Variants in TRMT10B observed in about 807,000 individuals in gnomAD.
The protein encoded by TRMT10B is tRNA methyltransferase 10 homolog B.
In TRMT10B, 33 loss-of-function variants were observed where a neutral mutation model predicts 43.8. That is an observed-to-expected ratio of 0.75 (90% CI 0.57 to 1.01). The LOEUF is 1.01. TRMT10B is among the 50% of genes least tolerant of loss of function. The probability of loss-of-function intolerance (pLI) is 0.00; values close to 1 mark genes in which losing one functional copy is unlikely to be tolerated. For missense variants in TRMT10B, 362 were observed against 369.8 expected (o/e 0.98, Z 0.17); for synonymous variants, 137 against 130.6 (o/e 1.05, Z -0.34).
upstream of TRMT10B, among the ~76,000 whole-genome samples, chr9:37,753,237 A>G (rs373873919): frequency 6.2e-4 from 95 of 152,372 alleles, no homozygotes; most frequent in African/African-American, 2.1e-3. Context: ...CCGCGGTTTC[A>G]TTCTTGAAGT....
intron 2 of TRMT10B, 116 bp downstream of exon 2, chr9:37,762,233 C>G: frequency 8.4e-7 from 1 of 1,189,044 alleles, no homozygotes; most frequent in Non-Finnish European, 1.1e-6. Context: ...TTTGTGTATT[C>G]TGAGTGATGA....
intron 8 of TRMT10B, 146 bp downstream of exon 8, chr9:37,776,551 A>C (rs1828176340): frequency 4.0e-6 from 4 of 996,298 alleles, no homozygotes; most frequent in Admixed American, 4.0e-5. Context: ...TATTCTGGCC[A>C]CTAAGAGGCA....
Position 37,769,993 on chromosome 9 carries a change from T to C in TRMT10B, c.626T>C (p.Val209Ala), listed in dbSNP as rs1188344524. ...CFSLFPLETLVYLTPDSEHAL... is the reference protein window; with the variant it reads ...CFSLFPLETLAYLTPDSEHAL... ...AGTTTATTTCCCTTGGAAACCCTTG[T>C]GTACCTGACTCCTGACTCAGAACAC... Residue 209 changes from valine to alanine, a missense_variant, in exon 6 of 9, where the codon GTG becomes GCG. Transcript: ENST00000297994. 6.2e-7 allele frequency: 1 copy of C among 1,614,150 alleles called. No individual in the cohort carries two copies. Among genetic ancestry groups the C allele is most frequent in the Non-Finnish European group, 8.5e-7 (1 of 1,179,968 alleles).
At position 37,762,558 on chromosome 9, in the gene TRMT10B, G is replaced by A; in HGVS notation, c.187-19G>A. The A allele has an allele frequency of 1.9e-6, 3 of 1,563,230 alleles. No individual in the cohort carries two copies. ...GCTTATGAAGTTCTCAAACAATTTT[G>A]TTTTCTGGATAATATAAGAAAAATG... On this transcript the variant is annotated intron_variant, in intron 2 of 8. Transcript: ENST00000297994.
intron 6 of TRMT10B, 101 bp downstream of exon 6, chr9:37,770,120 C>A (rs1827405743): frequency 4.9e-6 from 5 of 1,015,582 alleles, no homozygotes; most frequent in Non-Finnish European, 7.7e-6. Context: ...GACACCCCTC[C>A]CCACCCCCAC....
intron 1 of TRMT10B, among the ~76,000 whole-genome samples, chr9:37,755,231 A>T (rs971865144): frequency 2.0e-5 from 3 of 150,320 alleles, no homozygotes; most frequent in Non-Finnish European, 3.0e-5. Flanking sequence ...AGATCGCGCC[A>T]CTGCACTCCA....
rs922671736 is a variant in TRMT10B at position 37,776,458 on chromosome 9, T to C, written c.844+53T>C. The C allele has an allele frequency of 1.9e-6, 3 of 1,556,740 alleles. No homozygotes were observed. In the African/African-American group the frequency reaches 4.1e-5, roughly 21 times the overall value. ...GTGTGTGAGTTCTGGTGCTGCTGCT[T>C]TGCACTGTGTTTAAGTGGCCTTTGA... On this transcript the variant is annotated intron_variant, in intron 8 of 8. Coordinates refer to ENST00000297994, the MANE Select transcript of TRMT10B (RefSeq NM_144964.4).
At chr9:37,755,931 T>C (rs1825621497) in intron 1 of TRMT10B, among the ~76,000 whole-genome samples, 1 of 152,222 alleles carries the variant, frequency 6.6e-6, no homozygotes, top group South Asian at 2.1e-4. Flanking sequence ...TTCAGTTTGA[T>C]AGGAGAGAAG....
chr9:37,772,252 A>C (rs910614073), intron 7 of TRMT10B, among the ~76,000 whole-genome samples: 1 of 152,052 alleles, frequency 6.6e-6, no homozygotes, highest in Non-Finnish European at 1.5e-5. Flanking sequence ...GACTCAAGCA[A>C]TCTACTCACC....
chr9:37,770,741 T>TA lies in TRMT10B; in HGVS notation c.720+4dup. ...CTTGTGGATGAAAGCATTCAGAAGG[T>TA]AAGTATACATTTCAGCCCCAACATC... On this transcript the variant is annotated splice_region_variant and intron_variant, in intron 7 of 8. Coordinates refer to ENST00000297994, the MANE Select transcript of TRMT10B (RefSeq NM_144964.4). 1 of 1,611,178 alleles carries TA rather than the reference T, an allele frequency of 6.2e-7. No homozygotes were observed.
intron 3 of TRMT10B, among the ~76,000 whole-genome samples, chr9:37,763,155 A>AAAC (rs1554676651): frequency 0.015 from 2,211 of 146,710 alleles, 35 homozygotes; most frequent in African/African-American, 0.055. Flanking sequence ...AAAAAAAAAA[A>AAAC]AAAAAAAAAA....
At position 37,763,712 on chromosome 9, in the gene TRMT10B, CTA is replaced by C. The variant is rs1211589804; in HGVS notation, c.381_382del (p.Cys128TyrfsTer16). 8 of 1,614,012 alleles carry C rather than the reference CTA, an allele frequency of 5.0e-6. No homozygotes were observed. Among genetic ancestry groups the C allele is most frequent in the African/African-American group, 1.3e-5 (1 of 74,918 alleles). On this transcript the variant is annotated frameshift_variant, in exon 4 of 9. Transcript: ENST00000297994. LOFTEE classifies it high-confidence loss of function. ...LLEAKHSGPRLCIDLSMTHYM... is the reference protein window; with the variant it reads ...LLEAKHSGPRXCIDLSMTHYM... ...GGAAGCCAAACACTCAGGACCAAGACTATGTATCGATTTGAGTATGACCCACT... is the reference window on the plus strand; with the variant it reads ...GGAAGCCAAACACTCAGGACCAAGACTGTATCGATTTGAGTATGACCCACT...
At chr9:37,760,504 T>C (rs1045693032) in intron 1 of TRMT10B, among the ~76,000 whole-genome samples, 2 of 152,204 alleles carry the variant, frequency 1.3e-5, no homozygotes, top group African/African-American at 4.8e-5. Context: ...TGGGTAACAG[T>C]GAGACCCTGT....
chr9:37,768,396 C>T (rs1827213691), intron 5 of TRMT10B, among the ~76,000 whole-genome samples, 168 bp downstream of exon 5: 1 of 152,148 alleles, frequency 6.6e-6, no homozygotes, highest in African/African-American at 2.4e-5. Context: ...CATCCTCCTA[C>T]TGCATTGGCA....
intron 3 of TRMT10B, 75 bp downstream of exon 3, chr9:37,762,760 A>T: frequency 6.8e-7 from 1 of 1,464,974 alleles, no homozygotes; most frequent in Non-Finnish European, 9.1e-7. Flanking sequence ...CAATGAGAGT[A>T]GGAATTTTGT....
In TRMT10B at chr9:37,762,536, T is replaced by C. The variant is rs55999967; in HGVS notation, c.187-41T>C. ...ATGTTCATTTTCCTTTTTTGGTGCT[T>C]ATGAAGTTCTCAAACAATTTTGTTT... On this transcript the variant is annotated intron_variant, in intron 2 of 8. Coordinates refer to ENST00000297994, the MANE Select transcript of TRMT10B (RefSeq NM_144964.4). 4.9e-3 allele frequency: 7,609 copies of C among 1,543,674 alleles called. 350 individuals are homozygous for C. In the African/African-American group the frequency reaches 0.093, roughly 19 times the overall value.
intron 1 of TRMT10B, among the ~76,000 whole-genome samples, chr9:37,756,802 GTATA>G (rs10636246): frequency 7.3e-5 from 11 of 150,454 alleles, no homozygotes; most frequent in South Asian, 2.1e-4. Flanking sequence ...ATGTGTATGT[GTATA>G]TATGTGTGCA....
chr9:37,753,553 C>T (rs552956634), upstream of TRMT10B, among the ~76,000 whole-genome samples: 3 of 152,304 alleles, frequency 2.0e-5, no homozygotes, highest in Admixed American at 2.0e-4. Flanking sequence ...ACCAACAGAG[C>T]ACCTGTAGGA....
intron 3 of TRMT10B, 26 bp downstream of exon 3, chr9:37,762,711 T>C (rs540596024): frequency 1.9e-6 from 3 of 1,538,484 alleles, no homozygotes; most frequent in Admixed American, 2.1e-5. Flanking sequence ...ACTGTTGGTA[T>C]AATAATATTT....
Sources: allele counts gnomAD v4.1 joint callset (sites outside exome capture counted in the v4.1 genomes callset), GRCh38; gene constraint gnomAD v4.1.1; transcripts MANE v1.5; gene names NCBI Gene and HGNC (gene_info 2026-07-23, HGNC 2026-07-21).